The following VIPR1 variants were observed in gnomAD, a reference collection of about 807,000 sequenced individuals.
VIPR1 encodes vasoactive intestinal polypeptide receptor 1.
A neutral mutation model predicts 58.8 loss-of-function variants in VIPR1; 59 were observed. The ratio of observed to expected loss-of-function variants is 1.00; its 90% CI spans 0.81 to 1.25. VIPR1 has a LOEUF of 1.25. VIPR1 is among the 50% of genes most tolerant of loss of function. The pLI is 0.00. For missense variants in VIPR1, 626 were observed against 602.7 expected (o/e 1.04, Z -0.40); for synonymous variants, 251 against 242.1 (o/e 1.04, Z -0.34).
chr3:42,504,755 C>T (rs1449823471), intron 1 of VIPR1, among the ~76,000 whole-genome samples: 16 of 15,192 alleles, frequency 1.1e-3, no homozygotes, highest in East Asian at 2.9e-3. Flanking sequence ...CTCGGTGTGA[C>T]GGCGGGGTGG....
At chr3:42,501,727 C>G (rs890831234), upstream of VIPR1, among the ~76,000 whole-genome samples, 1 of 152,232 alleles carries the variant, frequency 6.6e-6, no homozygotes, top group Non-Finnish European at 1.5e-5. This position sits in a 1 kb window ranked among gnomAD's most constrained non-coding sequence, Gnocchi z 4.8. Context: ...CCTCTCTGGA[C>G]CCCAGTATCC....
Position 42,503,585 on chromosome 3 carries a change from T to A in VIPR1, c.78+772T>A, listed in dbSNP as rs406683. 4.6e-5 allele frequency among the ~76,000 whole-genome samples: 7 copies of A among 152,170 alleles called. No homozygotes were observed. The East Asian group carries it at 1.2e-3, about 25-fold the overall frequency. On this transcript the variant is annotated intron_variant, in intron 1 of 12. Transcript: ENST00000325123. The stretch of plus-strand genomic sequence containing the variant: ...CCCCATGTGTGGGTGTGATATGTGT[T>A]CCTGTGGATGGCTTACCTGGGCTGG...
chr3:42,528,048 G>A lies in VIPR1; in HGVS notation c.561G>A (p.Leu187=). The A allele has an allele frequency of 1.2e-6, 2 of 1,614,034 alleles. No individual in the cohort carries two copies. Among genetic ancestry groups the A allele is most frequent in the Non-Finnish European group, 1.7e-6 (2 of 1,179,966 alleles). Reference sequence around the variant, plus strand: ...TGCACCTCTTCATATCCTTCATCCTGAGGGCTGCCGCTGTCTTCATCAAAG... The same window carrying A: ...TGCACCTCTTCATATCCTTCATCCTAAGGGCTGCCGCTGTCTTCATCAAAG... ...IHMHLFISFI[L]RAAAVFIKDL... is the part of the protein sequence containing the mutation. Residue 187 remains leucine, a synonymous_variant, in exon 6 of 13, where the codon CTG becomes CTA. Transcript: ENST00000325123.
Position 42,518,146 on chromosome 3 carries a change from T to C in VIPR1, c.185-1077T>C, listed in dbSNP as rs1392432713. ...TGTAAAATAAATATTAAAAGGAAAG[T>C]AATTTACAATAAAGTACCATGTACA... is the stretch of plus-strand genomic sequence containing the variant. On this transcript the variant is annotated intron_variant, in intron 2 of 12. Transcript: ENST00000325123. Among the ~76,000 whole-genome samples, 16 of 151,968 alleles carry C rather than the reference T, an allele frequency of 1.1e-4. No homozygotes were observed. The East Asian group carries it at 2.7e-3, about 26-fold the overall frequency.
chr3:42,524,515 C>T (rs2125663901), intron 3 of VIPR1, among the ~76,000 whole-genome samples: 1 of 152,352 alleles, frequency 6.6e-6, no homozygotes, highest in Admixed American at 6.5e-5. Flanking sequence ...TCTTTCCTGG[C>T]TGTCCCATCC....
intron 4 of VIPR1, 44 bp downstream of exon 4, chr3:42,526,037 C>T (rs893893476): frequency 6.5e-7 from 1 of 1,547,084 alleles, no homozygotes; most frequent in Non-Finnish European, 8.8e-7. Flanking sequence ...AGCGCCGGGG[C>T]CCACCTAGGA....
chr3:42,530,718 G>A, intron 6 of VIPR1, 61 bp from the exon 7 acceptor site: 1 of 1,575,206 alleles, frequency 6.3e-7, no homozygotes, highest in Non-Finnish European at 8.7e-7. Context: ...AGACACGAGT[G>A]TGGGCAGTCA....
At position 42,537,015 on chromosome 3, in the gene VIPR1, T is replaced by A. The variant is rs192935426; in HGVS notation, c.*734T>A. ...GGCAGCCACCAGCGAATGCTAGGTC[T>A]CGGACTAAGCCTACCTGCTCTCCAA... On this transcript the variant is annotated 3_prime_UTR_variant, in exon 13 of 13. Transcript: ENST00000325123. 9 of 152,322 alleles carry A rather than the reference T, an allele frequency of 5.9e-5. No individual in the cohort carries two copies. Among genetic ancestry groups the A allele is most frequent in the Admixed American group, 1.3e-4 (2 of 15,294 alleles). The allele number at this position is 152,322 out of a possible 1,614,324, so 9.4% of individuals were successfully genotyped here. A position where few individuals can be genotyped will look rare whatever the true frequency, so the allele number is the denominator to read the frequency against.
intron 11 of VIPR1, 36 bp from the exon 12 acceptor site, chr3:42,535,307 T>G: frequency 1.2e-6 from 2 of 1,613,114 alleles, no homozygotes; most frequent in Admixed American, 1.7e-5. Flanking sequence ...GCTTCTGGTC[T>G]GTCTACCTCA....
intron 7 of VIPR1, 31 bp downstream of exon 7, chr3:42,530,963 G>A (rs1021495142): frequency 6.2e-7 from 1 of 1,611,424 alleles, no homozygotes; most frequent in Middle Eastern, 1.7e-4. Flanking sequence ...TCCAGGCTGG[G>A]GACAGAGGGG....
chr3:42,506,965 T>C (rs1700146422), intron 1 of VIPR1: 1 of 152,204 alleles, frequency 6.6e-6, no homozygotes, highest in Non-Finnish European at 1.5e-5. Context: ...AAATACCCAA[T>C]TCCGAGGTTT....
intron 10 of VIPR1, 85 bp from the exon 11 acceptor site, chr3:42,534,890 G>T: frequency 3.9e-6 from 6 of 1,535,226 alleles, no homozygotes; most frequent in Non-Finnish European, 4.4e-6. Context: ...CATCTTCTGT[G>T]CCTCCAGCTG....
chr3:42,531,514 C>T lies in VIPR1; in HGVS notation c.834C>T (p.Ile278=). 6.3e-7 allele frequency: 1 copy of T among 1,596,662 alleles called. No homozygotes were observed. Among genetic ancestry groups the T allele is most frequent in the Non-Finnish European group, 8.5e-7 (1 of 1,170,936 alleles). Residue 278 remains isoleucine, a synonymous_variant, in exon 8 of 13, where the codon ATC becomes ATT. Coordinates refer to ENST00000325123, the MANE Select transcript of VIPR1 (RefSeq NM_004624.4). ...TFTMVWTIAR[I]HFEDYGCWDT... ...CCATGGTGTGGACCATCGCCAGGATCCATTTTGAGGATTATGGGTGAGCTG... is the reference window on the plus strand; with the variant it reads ...CCATGGTGTGGACCATCGCCAGGATTCATTTTGAGGATTATGGGTGAGCTG...
intron 3 of VIPR1, among the ~76,000 whole-genome samples, chr3:42,520,278 C>T (rs1449867979): frequency 1.3e-5 from 2 of 152,192 alleles, no homozygotes; most frequent in African/African-American, 2.4e-5. Flanking sequence ...GAGGCCAGAC[C>T]ATGCAGGGCC....
At chr3:42,528,385 T>C (rs973777907) in intron 6 of VIPR1, 2 of 516,530 alleles carry the variant, frequency 3.9e-6, no homozygotes, top group Non-Finnish European at 7.0e-6. Context: ...AGATGGGAAA[T>C]GGGACACTTC....
chr3:42,506,728 A>C (rs936784865), intron 1 of VIPR1: 4 of 151,954 alleles, frequency 2.6e-5, no homozygotes, highest in African/African-American at 7.3e-5. Context: ...GGGTTTCGCC[A>C]TGTTGGCCAG....
At chr3:42,512,478 G>A (rs933396235) in intron 1 of VIPR1, among the ~76,000 whole-genome samples, 2 of 152,168 alleles carry the variant, frequency 1.3e-5, no homozygotes, top group African/African-American at 4.8e-5. Flanking sequence ...AAAGTACTAA[G>A]CACTTTGGTG....
intron 8 of VIPR1, 110 bp downstream of exon 8, chr3:42,531,641 G>C (rs546906644): frequency 6.4e-7 from 1 of 1,560,194 alleles, no homozygotes; most frequent in Non-Finnish European, 8.8e-7. Context: ...CACAGCTCTC[G>C]GGCCAGAGGG....
intron 1 of VIPR1, among the ~76,000 whole-genome samples, chr3:42,508,442 C>A (rs115674292): frequency 6.6e-6 from 1 of 152,138 alleles, no homozygotes; most frequent in Non-Finnish European, 1.5e-5. Flanking sequence ...GGGTGGGCGA[C>A]GGCGTGTCAC....
Sources: gnomAD v4.1 joint callset for allele counts (sites outside exome capture counted in the v4.1 genomes callset) on GRCh38, gnomAD v4.1.1 for gene constraint, Gnocchi (gnomAD v3.1) non-coding constraint, MANE v1.5 for transcripts, NCBI Gene and HGNC (gene_info 2026-07-23, HGNC 2026-07-21) for gene names.